The following GRIK2 variants were observed in gnomAD, a reference collection of about 807,000 sequenced individuals.
GRIK2 encodes the protein glutamate receptor ionotropic, kainate 2.
GRIK2 carries 32 observed loss-of-function variants against 100.3 expected under a neutral mutation model. The ratio of observed to expected loss-of-function variants is 0.32; its 90% CI spans 0.24 to 0.43. GRIK2 has a LOEUF of 0.43. GRIK2 is among the 20% of genes least tolerant of loss of function. The pLI is 1.00. For synonymous variants in GRIK2, 417 were observed against 389.4 expected, an observed-to-expected ratio of 1.07 and a Z score of -0.83; for missense variants, 843 against 1,114.9, an observed-to-expected ratio of 0.76 and a Z score of 3.47.
intron 11 of GRIK2, among the ~76,000 whole-genome samples, chr6:101,873,263 A>G (rs1204549657): frequency 9.4e-6 from 1 of 106,604 alleles, no homozygotes; most frequent in African/African-American, 3.7e-5. Flanking sequence ...ACCCCACAAT[A>G]AGCCCCAGTG....
Position 102,035,350 on chromosome 6 carries a change from AT to A in GRIK2, c.2096del (p.Ile699ThrfsTer11). The A allele has an allele frequency of 1.3e-6, 2 of 1,589,674 alleles. No homozygotes were observed. Among genetic ancestry groups the A allele is most frequent in the Non-Finnish European group, 1.7e-6 (2 of 1,161,972 alleles). On this transcript the variant is annotated frameshift_variant, in exon 15 of 17. Coordinates refer to ENST00000369134, the MANE Select transcript of GRIK2 (RefSeq NM_021956.5). LOFTEE classifies it high-confidence loss of function. ...ATMTFFKKSK[I>X]STYDKMWAFM... ...TATTTATTTTCTTCAGAAATCAAAAATCTCCACGTATGACAAAATGTGGGCC... is the reference window on the plus strand; with the variant it reads ...TATTTATTTTCTTCAGAAATCAAAAACTCCACGTATGACAAAATGTGGGCC...
intron 2 of GRIK2, among the ~76,000 whole-genome samples, chr6:101,516,396 A>T (rs1774588656): frequency 6.6e-6 from 1 of 152,086 alleles, no homozygotes; most frequent in Admixed American, 6.6e-5. Flanking sequence ...GGGCACATAG[A>T]CCAATGGAAC....
At chr6:101,675,041 T>G (rs528404259) in intron 4 of GRIK2, among the ~76,000 whole-genome samples, 2 of 152,188 alleles carry the variant, frequency 1.3e-5, no homozygotes, top group South Asian at 2.1e-4. Flanking sequence ...AGACAAAATC[T>G]TCTAGCTATT....
intron 4 of GRIK2, among the ~76,000 whole-genome samples, chr6:101,655,306 C>A (rs1348301206): frequency 6.6e-6 from 1 of 152,074 alleles, no homozygotes; most frequent in African/African-American, 2.4e-5. Context: ...ATTTATTCCA[C>A]CCATCATGTA....
chr6:102,015,183 C>G (rs1795767823), intron 14 of GRIK2, among the ~76,000 whole-genome samples: 1 of 150,346 alleles, frequency 6.7e-6, no homozygotes, highest in African/African-American at 2.5e-5. Flanking sequence ...GAACCCTTTA[C>G]TATTATTTAA....
At chr6:101,404,186 C>T (rs1427600396) in intron 2 of GRIK2, among the ~76,000 whole-genome samples, 1 of 152,166 alleles carries the variant, frequency 6.6e-6, no homozygotes, top group Non-Finnish European at 1.5e-5. Flanking sequence ...GTGATCATTA[C>T]GATGTGTTCA....
chr6:101,446,845 T>C (rs991623203), intron 2 of GRIK2, among the ~76,000 whole-genome samples: 2 of 151,052 alleles, frequency 1.3e-5, no homozygotes, highest in Non-Finnish European at 3.0e-5. Context: ...ATACTACCCA[T>C]GGCTTACTAG....
At chr6:101,441,499 C>G (rs961951136) in intron 2 of GRIK2, among the ~76,000 whole-genome samples, 1 of 151,926 alleles carries the variant, frequency 6.6e-6, no homozygotes, top group Non-Finnish European at 1.5e-5. Context: ...CTTGTGCTAC[C>G]CAGAACACGG....
intron 2 of GRIK2, among the ~76,000 whole-genome samples, chr6:101,459,021 A>C (rs1422701747): frequency 6.6e-6 from 1 of 152,150 alleles, no homozygotes; most frequent in Non-Finnish European, 1.5e-5. Context: ...TTTTGAAAAA[A>C]GTTGGAGTAA....
At chr6:101,478,484 T>C (rs2128259778) in intron 2 of GRIK2, among the ~76,000 whole-genome samples, 1 of 151,072 alleles carries the variant, frequency 6.6e-6, no homozygotes, top group African/African-American at 2.4e-5. Flanking sequence ...AGGAACAAAC[T>C]TGTTCTTTTA....
At chr6:101,743,367 CA>C (rs1776169014) in intron 7 of GRIK2, among the ~76,000 whole-genome samples, 1 of 152,142 alleles carries the variant, frequency 6.6e-6, no homozygotes, top group South Asian at 2.1e-4. Context: ...AAAAGCAAGC[CA>C]GATGGGTTAA....
chr6:101,624,511 C>G (rs1469528678), intron 3 of GRIK2, among the ~76,000 whole-genome samples: 2 of 152,132 alleles, frequency 1.3e-5, no homozygotes, highest in East Asian at 3.9e-4. Context: ...TTAAATATTT[C>G]CATGCTTAAT....
At chr6:101,615,454 T>C (rs1334101299) in intron 2 of GRIK2, among the ~76,000 whole-genome samples, 1 of 151,768 alleles carries the variant, frequency 6.6e-6, no homozygotes, top group Non-Finnish European at 1.5e-5. Flanking sequence ...TGAAACTGGT[T>C]GAATTTTGGT....
chr6:101,907,728 C>CT (rs11371802), intron 12 of GRIK2, among the ~76,000 whole-genome samples: 123,045 of 151,380 alleles, frequency 0.81, 50,108 homozygotes, highest in East Asian at 0.94. Flanking sequence ...TCTTTTTTAT[C>CT]TTTTTTTCTT....
At chr6:101,893,918 A>G (rs1222922307) in intron 12 of GRIK2, among the ~76,000 whole-genome samples, 1 of 151,636 alleles carries the variant, frequency 6.6e-6, no homozygotes, top group East Asian at 1.9e-4. Flanking sequence ...TACTTAAATC[A>G]TCTTAAATTC....
At chr6:101,583,442 C>T (rs1778197235) in intron 2 of GRIK2, among the ~76,000 whole-genome samples, 1 of 152,016 alleles carries the variant, frequency 6.6e-6, no homozygotes, top group African/African-American at 2.4e-5. Context: ...TGCCTTATTG[C>T]CATGTGTAGC....
chr6:101,602,211 T>C (rs749228664), intron 2 of GRIK2, among the ~76,000 whole-genome samples: 4 of 151,658 alleles, frequency 2.6e-5, no homozygotes, highest in Non-Finnish European at 5.9e-5. Flanking sequence ...GTTGTAGTTA[T>C]TTATTTCTGT....
intron 9 of GRIK2, among the ~76,000 whole-genome samples, chr6:101,806,623 AG>A (rs199806526): frequency 7.1e-6 from 1 of 140,814 alleles, no homozygotes; most frequent in African/African-American, 2.7e-5. Flanking sequence ...CTACCTACAG[AG>A]GGTTTTTTTT....
intron 15 of GRIK2, among the ~76,000 whole-genome samples, chr6:102,054,304 A>G (rs1354768837): frequency 6.6e-6 from 1 of 152,172 alleles, no homozygotes; most frequent in East Asian, 1.9e-4. Flanking sequence ...AATCAAAACA[A>G]AATTACAGGC....
Sources: gnomAD v4.1 joint callset for allele counts (sites outside exome capture counted in the v4.1 genomes callset) on GRCh38, gnomAD v4.1.1 for gene constraint, MANE v1.5 for transcripts, NCBI Gene and HGNC (gene_info 2026-07-23, HGNC 2026-07-21) for gene names.